Variants in CIMAP2 observed in about 807,000 individuals in gnomAD.
CIMAP2 encodes ciliary microtubule associated protein 2.
the CIMAP2 span, among the ~76,000 whole-genome samples, chr1:54,835,110 A>T: frequency 1.3e-5 from 2 of 152,248 alleles, no homozygotes; most frequent in African/African-American, 4.8e-5. Flanking sequence ...GGAAATCATA[A>T]ATGTCTATCC....
At chr1:54,821,886 CTTTTTTTTTTTTTT>C in the CIMAP2 span, among the ~76,000 whole-genome samples, 21 of 66,590 alleles carry the variant, frequency 3.2e-4, no homozygotes, top group African/African-American at 1.1e-3. Context: ...CCTCTTATTT[CTTTTTTTTTTTTTT>C]TTTTTTTTTT....
At chr1:54,840,137 T>C in the CIMAP2 span, among the ~76,000 whole-genome samples, 12 of 151,134 alleles carry the variant, frequency 7.9e-5, no homozygotes, top group East Asian at 2.1e-3. Context: ...CCTTGTGCTA[T>C]CTGTAGTCAG....
chr1:54,811,763 C>CCGCCGGGG, the CIMAP2 span: 3 of 1,280,762 alleles, frequency 2.3e-6, no homozygotes, highest in Non-Finnish European at 3.3e-6. Flanking sequence ...GTGGTTCTGA[C>CCGCCGGGG]AGCCTCCATG....
At chr1:54,825,904 A>T in the CIMAP2 span, among the ~76,000 whole-genome samples, 1 of 150,862 alleles carries the variant, frequency 6.6e-6, no homozygotes, top group African/African-American at 2.4e-5. Context: ...AGCAGTGGTG[A>T]TGGCAGGCTG....
At chr1:54,806,519 A>G in the CIMAP2 span, among the ~76,000 whole-genome samples, 17 of 152,254 alleles carry the variant, frequency 1.1e-4, no homozygotes, top group African/African-American at 3.9e-4. Flanking sequence ...CCTGGTCCAT[A>G]GTAGGCCACT....
the CIMAP2 span, among the ~76,000 whole-genome samples, chr1:54,806,748 G>A: frequency 7.5e-6 from 1 of 133,146 alleles, no homozygotes; most frequent in African/African-American, 2.8e-5. Context: ...ATGTACATCT[G>A]TAAAACCTTG....
the CIMAP2 span, among the ~76,000 whole-genome samples, chr1:54,812,537 G>T: frequency 6.6e-6 from 1 of 152,250 alleles, no homozygotes; most frequent in Admixed American, 6.5e-5. Context: ...ATGGCAGAAG[G>T]TGGGAGCATC....
the CIMAP2 span, among the ~76,000 whole-genome samples, chr1:54,817,413 T>G: frequency 6.6e-6 from 1 of 152,272 alleles, no homozygotes; most frequent in East Asian, 1.9e-4. Flanking sequence ...TTGAAAACCC[T>G]TGGTAAGGAA....
chr1:54,808,858 C>G, the CIMAP2 span, among the ~76,000 whole-genome samples: 4 of 152,128 alleles, frequency 2.6e-5, no homozygotes, highest in African/African-American at 9.6e-5. Flanking sequence ...GCCTGGACCT[C>G]TCTGTGCTGG....
the CIMAP2 span, chr1:54,806,086 G>T: frequency 6.7e-7 from 1 of 1,496,706 alleles, no homozygotes. Flanking sequence ...TGCCGTGGCA[G>T]CAGCGGAGGC....
the CIMAP2 span, chr1:54,817,163 T>TG: frequency 1.1e-5 from 18 of 1,597,022 alleles, no homozygotes; most frequent in East Asian, 4.5e-5. Context: ...GCGAGGGCGG[T>TG]GGGGGGTCTT....
At chr1:54,824,747 T>A in the CIMAP2 span, among the ~76,000 whole-genome samples, 1 of 152,054 alleles carries the variant, frequency 6.6e-6, no homozygotes, top group Non-Finnish European at 1.5e-5. Flanking sequence ...TTTAGTGATA[T>A]CTTTTTGTTG....
At chr1:54,830,607 T>C in the CIMAP2 span, among the ~76,000 whole-genome samples, 1 of 152,104 alleles carries the variant, frequency 6.6e-6, no homozygotes, top group Non-Finnish European at 1.5e-5. The surrounding 1 kb of genome is among the most constrained non-coding windows in gnomAD (Gnocchi z 4.1). Flanking sequence ...AGAGAATAAA[T>C]CTCCAATCTT....
At chr1:54,839,069 T>A in the CIMAP2 span, among the ~76,000 whole-genome samples, 1 of 152,176 alleles carries the variant, frequency 6.6e-6, no homozygotes, top group Non-Finnish European at 1.5e-5. Flanking sequence ...GGATTGGATC[T>A]CTGGTCCATC....
At chr1:54,811,765 G>GCCGGCGGGGGCCCCCCCCCCCCC in the CIMAP2 span, 1 of 1,301,332 alleles carries the variant, frequency 7.7e-7, no homozygotes, top group Non-Finnish European at 1.1e-6. Flanking sequence ...GGTTCTGACA[G>GCCGGCGGGGGCCCCCCCCCCCCC]CCTCCATGCC....
the CIMAP2 span, among the ~76,000 whole-genome samples, chr1:54,808,612 C>CGGTGG: frequency 3.0e-5 from 2 of 67,344 alleles, no homozygotes; most frequent in Non-Finnish European, 7.2e-5. Flanking sequence ...CAGGTGCTGC[C>CGGTGG]GGGGGAGGGC....
At chr1:54,832,724 G>A in the CIMAP2 span, among the ~76,000 whole-genome samples, 6 of 152,108 alleles carry the variant, frequency 3.9e-5, no homozygotes, top group South Asian at 6.2e-4. Context: ...AATAAAGCTG[G>A]AGTAAAGAAT....
At chr1:54,813,888 TG>T in the CIMAP2 span, 21 of 1,613,870 alleles carry the variant, frequency 1.3e-5, no homozygotes, top group Non-Finnish European at 1.8e-5. Context: ...ATAAGAAGCA[TG>T]GGGTTTTTTC....
the CIMAP2 span, among the ~76,000 whole-genome samples, chr1:54,809,865 A>T: frequency 8.9e-6 from 1 of 111,800 alleles, no homozygotes; most frequent in African/African-American, 3.4e-5. Context: ...TCCTTTTCAA[A>T]GTCCAGCCTG....
Sources: allele counts gnomAD v4.1 joint callset (sites outside exome capture counted in the v4.1 genomes callset), GRCh38; gene constraint gnomAD v4.1.1; non-coding constraint Gnocchi (gnomAD v3.1); transcripts MANE v1.5; gene names NCBI Gene and HGNC (gene_info 2026-07-23, HGNC 2026-07-21).